Variants in CTNNA2 observed in about 807,000 individuals in gnomAD.
CTNNA2 encodes the protein catenin alpha-2.
In CTNNA2, 42 loss-of-function variants were observed where a neutral mutation model predicts 101.0. That is an observed-to-expected ratio of 0.42 (90% CI 0.32 to 0.54). The LOEUF (loss-of-function observed/expected upper bound fraction) is 0.54. CTNNA2 is among the 20% of genes least tolerant of loss of function. CTNNA2 has a pLI of 0.14. For missense variants in CTNNA2, 871 were observed against 1,223.1 expected (o/e 0.71, Z 4.29); for synonymous variants, 450 against 456.4 (o/e 0.99, Z 0.18).
In CTNNA2 at chr2:79,493,541, G is replaced by A. The variant is rs151259040; in HGVS notation, c.-134-11513G>A. On this transcript the variant is annotated intron_variant, in intron 4 of 21. Coordinates refer to the CTNNA2 transcript ENST00000466387. ...TGAGGCAGAAGAATCGCTTGAACCC[G>A]GGAGGCGGAGGTTGCAGTGAGCCGA... is the stretch of plus-strand genomic sequence containing the variant. 5.8e-3 allele frequency among the ~76,000 whole-genome samples: 890 copies of A among 152,236 alleles called. 22 individuals carry two copies. Among genetic ancestry groups the A allele is most frequent in the Admixed American group, 0.045 (686 of 15,302 alleles).
chr2:79,360,369 A>G (rs1226760007), intron 3 of CTNNA2, among the ~76,000 whole-genome samples: 1 of 152,218 alleles, frequency 6.6e-6, no homozygotes, highest in Admixed American at 6.5e-5. Flanking sequence ...ATGTACAATC[A>G]GAGACAAGAC....
intron 7 of CTNNA2, among the ~76,000 whole-genome samples, chr2:80,160,382 T>C (rs952514193): frequency 1.3e-5 from 2 of 152,196 alleles, no homozygotes; most frequent in African/African-American, 4.8e-5. Context: ...TGTATATCAA[T>C]TTGGGTAGAA....
intron 12 of CTNNA2, among the ~76,000 whole-genome samples, chr2:80,565,519 C>T (rs1472462552): frequency 1.3e-5 from 2 of 151,400 alleles, no homozygotes; most frequent in Admixed American, 1.3e-4. Flanking sequence ...ATTATGCTCA[C>T]CTTTTTTTTT....
chr2:80,051,696 T>C (rs958153037), intron 7 of CTNNA2, among the ~76,000 whole-genome samples: 22 of 151,794 alleles, frequency 1.4e-4, no homozygotes, highest in Admixed American at 4.6e-4. Context: ...GAACTCTTTT[T>C]CCCCCCCACA....
At chr2:79,282,738 A>G (rs1321374729) in intron 2 of CTNNA2, among the ~76,000 whole-genome samples, 3 of 139,246 alleles carry the variant, frequency 2.2e-5, no homozygotes, top group Non-Finnish European at 4.7e-5. Context: ...GTGTCTTTAT[A>G]GCAGCATGAT....
At chr2:79,687,711 T>C (rs1684030205) in intron 2 of CTNNA2, 1 of 485,960 alleles carries the variant, frequency 2.1e-6, no homozygotes, top group Non-Finnish European at 3.7e-6. Flanking sequence ...AAAGCATCTT[T>C]TGAATGTATT....
chr2:79,758,612 G>C (rs1188590643), intron 3 of CTNNA2, among the ~76,000 whole-genome samples: 1 of 151,956 alleles, frequency 6.6e-6, no homozygotes, highest in East Asian at 1.9e-4. Flanking sequence ...TCCTCTTCTA[G>C]TAATCTCCAG....
chr2:80,486,455 C>A (rs1686591403), intron 9 of CTNNA2, among the ~76,000 whole-genome samples: 1 of 151,914 alleles, frequency 6.6e-6, no homozygotes, highest in South Asian at 2.1e-4. Flanking sequence ...CTATATAATT[C>A]TGATTATATA....
intron 4 of CTNNA2, among the ~76,000 whole-genome samples, chr2:79,466,676 G>C (rs1436952751): frequency 5.3e-5 from 8 of 152,170 alleles, no homozygotes; most frequent in Non-Finnish European, 1.0e-4. Flanking sequence ...CTCTGAGACG[G>C]AGCTTCCAGA....
chr2:79,531,215 T>C (rs1017581310), intron 1 of CTNNA2, among the ~76,000 whole-genome samples: 1 of 99,974 alleles, frequency 1.0e-5, no homozygotes, highest in Non-Finnish European at 2.3e-5. Context: ...TATATATATA[T>C]ATATATATAT....
chr2:79,578,843 G>A (rs916978772), intron 1 of CTNNA2, among the ~76,000 whole-genome samples: 1 of 151,590 alleles, frequency 6.6e-6, no homozygotes, highest in Non-Finnish European at 1.5e-5. Flanking sequence ...TTCCTTCCCT[G>A]TAGTCTTTTT....
intron 7 of CTNNA2, among the ~76,000 whole-genome samples, chr2:79,960,161 T>C (rs1689532916): frequency 6.6e-6 from 1 of 152,208 alleles, no homozygotes; most frequent in Non-Finnish European, 1.5e-5. Context: ...GCTCAGGTCA[T>C]ATTTCTAAGA....
At chr2:79,604,243 T>C (rs1303857389) in intron 1 of CTNNA2, among the ~76,000 whole-genome samples, 3 of 152,224 alleles carry the variant, frequency 2.0e-5, no homozygotes, top group Non-Finnish European at 4.4e-5. Flanking sequence ...AGATTGTAAG[T>C]TGAAAGTCAA....
intron 18 of CTNNA2, among the ~76,000 whole-genome samples, chr2:80,626,079 A>C (rs573169716): frequency 6.6e-6 from 1 of 152,174 alleles, no homozygotes; most frequent in South Asian, 2.1e-4. Flanking sequence ...AAAGGTTATG[A>C]CACACAAATT....
At chr2:79,994,491 A>G (rs1692403938) in intron 7 of CTNNA2, among the ~76,000 whole-genome samples, 1 of 152,004 alleles carries the variant, frequency 6.6e-6, no homozygotes, top group East Asian at 1.9e-4. Context: ...GCTGGCTGCT[A>G]TGGATGGCTA....
chr2:79,575,771 A>G (rs180771693), intron 1 of CTNNA2, among the ~76,000 whole-genome samples: 1 of 152,322 alleles, frequency 6.6e-6, no homozygotes, highest in Admixed American at 6.5e-5. Flanking sequence ...ATTCCAAACA[A>G]TATTAACCAA....
At chr2:80,249,372 C>T (rs1330115100) in intron 7 of CTNNA2, among the ~76,000 whole-genome samples, 1 of 152,136 alleles carries the variant, frequency 6.6e-6, no homozygotes, top group Admixed American at 6.5e-5. Flanking sequence ...TCCTTACTTC[C>T]CTTCCAAGCT....
At chr2:79,266,934 T>C (rs1283152975) in intron 2 of CTNNA2, among the ~76,000 whole-genome samples, 1 of 152,102 alleles carries the variant, frequency 6.6e-6, no homozygotes, top group Non-Finnish European at 1.5e-5. Context: ...TATCAGACTG[T>C]ACTCAAAATT....
intron 7 of CTNNA2, among the ~76,000 whole-genome samples, chr2:80,222,040 C>T (rs1230393435): frequency 6.6e-6 from 1 of 152,146 alleles, no homozygotes; most frequent in Non-Finnish European, 1.5e-5. Context: ...TGCCAAACAG[C>T]CAACACTTGA....
Sources: gnomAD v4.1 joint callset for allele counts (sites outside exome capture counted in the v4.1 genomes callset) on GRCh38, gnomAD v4.1.1 for gene constraint, MANE v1.5 for transcripts, NCBI Gene and HGNC (gene_info 2026-07-23, HGNC 2026-07-21) for gene names.